NPAS3: variants seen among roughly 807,000 people sequenced by gnomAD.
The protein encoded by NPAS3 is neuronal PAS domain protein 3.
A neutral mutation model predicts 73.1 loss-of-function variants in NPAS3; 14 were observed. The observed-to-expected ratio is 0.19, with a 90% CI of 0.13 to 0.30. NPAS3 has a LOEUF of 0.30. Among genes scored for constraint, NPAS3 ranks in the 10% least tolerant of loss-of-function variants. The pLI, the probability that NPAS3 is intolerant of heterozygous loss-of-function variation, is 1.00. For missense variants in NPAS3, 1,096 were observed against 1,250.0 expected (o/e 0.88, Z 1.86); for synonymous variants, 620 against 541.5 (o/e 1.14, Z -2.01).
chr14:33,333,121 A>G (rs2140283273), intron 3 of NPAS3, among the ~76,000 whole-genome samples: 2 of 152,310 alleles, frequency 1.3e-5, no homozygotes, highest in Admixed American at 1.3e-4. Context: ...TGGGTATTTC[A>G]TGTTGCTGAG....
rs568511477 is a variant in NPAS3, at chr14:33,135,357, G to A, written c.140+79363G>A. 2.0e-5 allele frequency among the ~76,000 whole-genome samples: 3 copies of A among 152,262 alleles called. No individual in the cohort carries two copies. In the East Asian group the frequency reaches 5.8e-4, roughly 29 times the overall value. ...ATTTCCTGACTTAATGTTGAAATGT[G>A]TTTCTTCTTGGCCACTATACTGTTT... On this transcript the variant is annotated intron_variant, in intron 2 of 11. Coordinates refer to ENST00000356141, the Ensembl canonical transcript of NPAS3.
At chr14:33,035,552 T>C (rs938403278) in intron 1 of NPAS3, among the ~76,000 whole-genome samples, 19 of 152,344 alleles carry the variant, frequency 1.2e-4, no homozygotes, top group African/African-American at 4.6e-4. Context: ...ACTTGTTGTT[T>C]ATTTCAGAAC....
At chr14:33,275,503 T>C (rs2041289850) in intron 3 of NPAS3, among the ~76,000 whole-genome samples, 2 of 152,184 alleles carry the variant, frequency 1.3e-5, no homozygotes, top group Admixed American at 6.5e-5. Flanking sequence ...CAGTACCCTG[T>C]AGAGAGGGAA....
Position 33,145,390 on chromosome 14 carries a change from A to G in NPAS3, c.141-69792A>G, listed in dbSNP as rs145478112. 2.0e-3 allele frequency among the ~76,000 whole-genome samples: 305 copies of G among 152,268 alleles called. 2 individuals are homozygous for G. The highest frequency in any genetic ancestry group is 6.5e-3 in the African/African-American group (270 of 41,552). On this transcript the variant is annotated intron_variant, in intron 2 of 11. Coordinates refer to ENST00000356141, the Ensembl canonical transcript of NPAS3. ...AAAATCTGTCTTTGTATGGATCATG[A>G]TATGCTCCTTTGATTTGAAACCTTT...
At chr14:33,494,594 CTG>C (rs1156383668) in intron 4 of NPAS3, among the ~76,000 whole-genome samples, 2 of 152,090 alleles carry the variant, frequency 1.3e-5, no homozygotes, top group Admixed American at 1.3e-4. Flanking sequence ...GACCCAGACT[CTG>C]AGAGAGACTT....
At position 33,026,533 on chromosome 14, in the gene NPAS3, C is replaced by CTT. The variant is rs566846054; in HGVS notation, c.51-29360_51-29359dup. On this transcript the variant is annotated intron_variant, in intron 1 of 11. Transcript: ENST00000356141. ...AACAACAATGTGCTAAGTGATTTTC[C>CTT]TTTTTTTTTTTTTGTTCCTCTCTGT... 2.9e-3 allele frequency among the ~76,000 whole-genome samples: 421 copies of CTT among 143,460 alleles called. 3 individuals are homozygous for CTT. The highest frequency in any genetic ancestry group is 0.01 in the African/African-American group (398 of 39,650). 94.1% of individuals were successfully genotyped at this position (143,460 alleles called of 152,430 possible). A position where few individuals can be genotyped will look rare whatever the true frequency, so the allele number is the denominator to read the frequency against.
At chr14:33,071,987 T>A (rs999178866) in intron 2 of NPAS3, among the ~76,000 whole-genome samples, 1 of 152,040 alleles carries the variant, frequency 6.6e-6, no homozygotes, top group Non-Finnish European at 1.5e-5. Flanking sequence ...GCCTCCCAGG[T>A]TCAAGCAATT....
intron 2 of NPAS3, among the ~76,000 whole-genome samples, chr14:33,145,845 A>G (rs1011688703): frequency 2.6e-5 from 4 of 152,172 alleles, no homozygotes; most frequent in African/African-American, 7.2e-5. Context: ...GTATAACCCA[A>G]GGGTTTCCAT....
intron 5 of NPAS3, chr14:33,612,405 G>A (rs1368413427): frequency 4.4e-6 from 2 of 455,898 alleles, no homozygotes; most frequent in South Asian, 1.5e-5. Context: ...CCCTCCACAG[G>A]CACAGACACT....
intron 2 of NPAS3, among the ~76,000 whole-genome samples, chr14:33,187,106 A>G (rs1218356829): frequency 6.6e-6 from 1 of 152,202 alleles, no homozygotes; most frequent in African/African-American, 2.4e-5. Flanking sequence ...GTACTTAAAC[A>G]ATGCAAATCC....
chr14:33,797,503 C>A (rs952629015), exon 11 of NPAS3: 3 of 1,614,192 alleles, frequency 1.9e-6, no homozygotes, highest in Admixed American at 3.3e-5. Context: ...ACAGCTCCCC[C>A]ATCTGCCGGA....
chr14:33,642,245 C>G (rs368123352), intron 5 of NPAS3, among the ~76,000 whole-genome samples: 15 of 152,168 alleles, frequency 9.9e-5, no homozygotes, highest in African/African-American at 3.6e-4. Context: ...AGGTCAGAGC[C>G]GCTGTAATGG....
intron 3 of NPAS3, among the ~76,000 whole-genome samples, chr14:33,216,502 G>T (rs2047230115): frequency 1.3e-5 from 2 of 152,134 alleles, no homozygotes; most frequent in Non-Finnish European, 2.9e-5. Context: ...GTTACTTGGG[G>T]ATTGTGTTAT....
At chr14:33,534,565 A>C (rs74596868) in intron 4 of NPAS3, among the ~76,000 whole-genome samples, 1 of 152,298 alleles carries the variant, frequency 6.6e-6, no homozygotes, top group Non-Finnish European at 1.5e-5. Flanking sequence ...TTTCCATTTG[A>C]GAAGTCCACA....
At chr14:33,508,402 G>A (rs916433641) in intron 4 of NPAS3, among the ~76,000 whole-genome samples, 3 of 152,026 alleles carry the variant, frequency 2.0e-5, no homozygotes, top group African/African-American at 7.2e-5. Flanking sequence ...GGGGCTTAGG[G>A]GGATACTAAG....
chr14:33,226,658 C>T (rs1185789831), intron 3 of NPAS3, among the ~76,000 whole-genome samples: 2 of 152,090 alleles, frequency 1.3e-5, no homozygotes, highest in African/African-American at 4.8e-5. Context: ...CTGCTGTTGC[C>T]CATTGGGAGC....
chr14:32,993,491 T>C (rs1045814174), intron 1 of NPAS3, among the ~76,000 whole-genome samples: 1 of 152,088 alleles, frequency 6.6e-6, no homozygotes, highest in Admixed American at 6.5e-5. Flanking sequence ...GGTGAGAAAT[T>C]GAGGAGAAAA....
intron 4 of NPAS3, among the ~76,000 whole-genome samples, chr14:33,555,675 A>G (rs1445378096): frequency 6.6e-6 from 1 of 152,226 alleles, no homozygotes; most frequent in Non-Finnish European, 1.5e-5. Context: ...GGCAACATGC[A>G]GCTACCTTAT....
intron 3 of NPAS3, among the ~76,000 whole-genome samples, chr14:33,248,012 C>A (rs943585640): frequency 6.6e-6 from 1 of 152,148 alleles, no homozygotes; most frequent in Non-Finnish European, 1.5e-5. Flanking sequence ...TCTGTCATGG[C>A]AAAATTGTGA....
Sources: gnomAD v4.1 joint callset for allele counts (sites outside exome capture counted in the v4.1 genomes callset) on GRCh38, gnomAD v4.1.1 for gene constraint, MANE v1.5 for transcripts, NCBI Gene and HGNC (gene_info 2026-07-23, HGNC 2026-07-21) for gene names.